The following RNF146 variants were observed in gnomAD, a reference collection of about 807,000 sequenced individuals.
RNF146 encodes the protein ring finger protein 146.
A neutral mutation model predicts 29.7 loss-of-function variants in RNF146; 11 were observed. The ratio of observed to expected loss-of-function variants is 0.37; its 90% CI spans 0.23 to 0.61. The LOEUF (loss-of-function observed/expected upper bound fraction) is 0.61, where lower values mean the gene tolerates loss of function less well. Ranked by LOEUF, RNF146 falls within the 20% of genes least tolerant of loss-of-function variation. The pLI is 0.66. For missense variants in RNF146, 342 were observed against 438.9 expected, an observed-to-expected ratio of 0.78 and a Z score of 1.97; for synonymous variants, 150 against 159.7, an observed-to-expected ratio of 0.94 and a Z score of 0.46.
chr6:127,267,252 T>C (rs993949894), intron 1 of RNF146, among the ~76,000 whole-genome samples: 3 of 151,804 alleles, frequency 2.0e-5, no homozygotes, highest in Non-Finnish European at 4.4e-5. Flanking sequence ...CCGCAGCCCC[T>C]GCCCTGGGTG....
At chr6:127,277,243 CCT>C (rs1466343390) in intron 1 of RNF146, among the ~76,000 whole-genome samples, 3 of 151,868 alleles carry the variant, frequency 2.0e-5, no homozygotes, top group Non-Finnish European at 2.9e-5. Context: ...CTCCTCCTGT[CCT>C]ATATATAGGG....
intron 1 of RNF146, among the ~76,000 whole-genome samples, chr6:127,277,498 A>G (rs1257548492): frequency 6.6e-6 from 1 of 152,050 alleles, no homozygotes; most frequent in Non-Finnish European, 1.5e-5. Flanking sequence ...TAGAATATAT[A>G]TATGAGTTTA....
chr6:127,278,881 C>T (rs1778583347), intron 1 of RNF146, among the ~76,000 whole-genome samples: 1 of 151,930 alleles, frequency 6.6e-6, no homozygotes, highest in Admixed American at 6.6e-5. Flanking sequence ...TTACATTTCC[C>T]TAATTACTAA....
chr6:127,280,144 G>T (rs1432259617), intron 1 of RNF146, 87 bp from the exon 2 acceptor site: 1 of 544,944 alleles, frequency 1.8e-6, no homozygotes, highest in African/African-American at 1.9e-5. Flanking sequence ...CCACTTTTAA[G>T]ATAAAGTTTT....
At chr6:127,269,172 A>G (rs1362704595) in intron 1 of RNF146, among the ~76,000 whole-genome samples, 6 of 152,224 alleles carry the variant, frequency 3.9e-5, no homozygotes, top group Non-Finnish European at 8.8e-5. Flanking sequence ...GTGCTTACTT[A>G]CGGACTATCT....
chr6:127,270,700 C>T (rs916718403), intron 1 of RNF146, among the ~76,000 whole-genome samples: 8 of 151,920 alleles, frequency 5.3e-5, no homozygotes, highest in African/African-American at 1.7e-4. Context: ...TTTTTTTCTG[C>T]CCCTGCCACC....
chr6:127,266,841 T>C (rs1014820168), upstream of RNF146: 1 of 151,510 alleles, frequency 6.6e-6, no homozygotes. Context: ...GGTGGTCACG[T>C]GACGGCCGCG....
intron 1 of RNF146, among the ~76,000 whole-genome samples, chr6:127,274,511 G>A (rs375622215): frequency 2.0e-5 from 3 of 152,054 alleles, no homozygotes; most frequent in South Asian, 4.2e-4. Context: ...TAGAAACAAG[G>A]ACATTTTTTG....
rs1778750642 is a variant in RNF146 at position 127,280,213 on chromosome 6, T to C, written c.-108-18T>C. On this transcript the variant is annotated intron_variant, in intron 1 of 2. Transcript: ENST00000368314. ...AACTGATTCTCTTGATCTTAATTAC[T>C]CTTTTTTTCTTTTGCAGCACAAAGA... is the stretch of plus-strand genomic sequence containing the variant. 1 of 871,910 alleles carries C rather than the reference T, an allele frequency of 1.1e-6. No individual in the cohort carries two copies. Among genetic ancestry groups the C allele is most frequent in the Admixed American group, 2.4e-5 (1 of 42,098 alleles). The allele number at this position is 871,910 out of a possible 1,614,324, so 54.0% of individuals were successfully genotyped here. A position where few individuals can be genotyped will look rare whatever the true frequency, so the allele number is the denominator to read the frequency against.
At chr6:127,267,444 A>T (rs1776806115) in intron 1 of RNF146, among the ~76,000 whole-genome samples, 1 of 151,934 alleles carries the variant, frequency 6.6e-6, no homozygotes, top group Admixed American at 6.5e-5. Flanking sequence ...AGGGGCGGCG[A>T]TGGTTTTTCG....
chr6:127,285,471 C>T (rs182135832), intron 2 of RNF146: 1 of 346,632 alleles, frequency 2.9e-6, no homozygotes, highest in African/African-American at 2.3e-5. Flanking sequence ...ATCTTTATTT[C>T]TCAGTCTTTT....
intron 1 of RNF146, among the ~76,000 whole-genome samples, chr6:127,271,141 CT>C (rs1005798169): frequency 6.6e-6 from 1 of 151,882 alleles, no homozygotes; most frequent in African/African-American, 2.4e-5. Flanking sequence ...ATAATGTTTT[CT>C]TTTTTTTAGT....
chr6:127,280,017 T>G (rs1269530753), intron 1 of RNF146, among the ~76,000 whole-genome samples: 1 of 151,762 alleles, frequency 6.6e-6, no homozygotes, highest in Non-Finnish European at 1.5e-5. Context: ...AGACATAGTT[T>G]TACTTCCTCC....
Position 127,287,658 on chromosome 6 carries a change from A to G in RNF146, c.1045A>G (p.Arg349Gly), listed in dbSNP as rs1429964799. The change falls in exon 3 of 3, where the codon AGG becomes GGG. Residue 349 changes from arginine (R) to glycine (G), a missense_variant. Physicochemically the swap from Arg to Gly is moderately radical, Grantham distance 125. Transcript: ENST00000368314. Reference protein sequence around the residue: ...GTVSVSVRSRRPDGQCTVTEV With the variant: ...GTVSVSVRSRGPDGQCTVTEV ...AGTGAGTGTCAGTGTCAGATCTAGA[A>G]GGCCTGATGGACAGTGCACAGTAAC... 1 of 1,606,516 alleles carries G rather than the reference A, an allele frequency of 6.2e-7. No homozygotes were observed. Among genetic ancestry groups the G allele is most frequent in the Non-Finnish European group, 8.5e-7 (1 of 1,175,172 alleles).
At chr6:127,283,775 G>A (rs1779190198) in intron 2 of RNF146, among the ~76,000 whole-genome samples, 1 of 151,726 alleles carries the variant, frequency 6.6e-6, no homozygotes, top group South Asian at 2.1e-4. Flanking sequence ...AAATTGCTAT[G>A]GCAAATTGAT....
At chr6:127,269,041 T>C (rs968616731) in intron 1 of RNF146, among the ~76,000 whole-genome samples, 1 of 152,190 alleles carries the variant, frequency 6.6e-6, no homozygotes, top group Non-Finnish European at 1.5e-5. Flanking sequence ...GTGTTAGTAA[T>C]AGAAGGTACT....
At chr6:127,273,042 G>A (rs1490474505) in intron 1 of RNF146, among the ~76,000 whole-genome samples, 1 of 146,366 alleles carries the variant, frequency 6.8e-6, no homozygotes, top group Non-Finnish European at 1.5e-5. Flanking sequence ...TGTGTACCAG[G>A]TAATTTAACT....
At chr6:127,285,003 C>T (rs1444193585) in intron 2 of RNF146, among the ~76,000 whole-genome samples, 1 of 151,764 alleles carries the variant, frequency 6.6e-6, no homozygotes, top group Non-Finnish European at 1.5e-5. Flanking sequence ...TAGAACTTTC[C>T]ATAGGTTAGG....
Position 127,287,839 on chromosome 6 carries a change from T to C in RNF146, c.*146T>C, listed in dbSNP as rs1779734414. The C allele has an allele frequency of 3.4e-6, 2 of 586,492 alleles. No individual in the cohort carries two copies. Among genetic ancestry groups the C allele is most frequent in the South Asian group, 2.7e-5 (1 of 37,344 alleles). 36.3% of individuals were successfully genotyped at this position (586,492 alleles called of 1,614,324 possible). A position where few individuals can be genotyped will look rare whatever the true frequency, so the allele number is the denominator to read the frequency against. On this transcript the variant is annotated 3_prime_UTR_variant, in exon 3 of 3. Coordinates refer to ENST00000368314, the MANE Select transcript of RNF146 (RefSeq NM_001242850.2). Reference sequence around the variant, plus strand: ...GAAGGATAGACTCATAATTAAAATGTCTAACATGTCTCTGTTGAGAAATTT... The same window carrying C: ...GAAGGATAGACTCATAATTAAAATGCCTAACATGTCTCTGTTGAGAAATTT...
Sources: allele counts gnomAD v4.1 joint callset (sites outside exome capture counted in the v4.1 genomes callset), GRCh38; gene constraint gnomAD v4.1.1; transcripts MANE v1.5; gene names NCBI Gene and HGNC (gene_info 2026-07-23, HGNC 2026-07-21).